Variants in SMAD1 observed in about 807,000 individuals in gnomAD.
SMAD1 encodes the protein SMAD family member 1, also known as MAD, mothers against decapentaplegic homolog 1.
A neutral mutation model predicts 41.6 loss-of-function variants in SMAD1; 6 were observed. The ratio of observed to expected loss-of-function variants is 0.14; its 90% CI spans 0.08 to 0.28. The LOEUF (loss-of-function observed/expected upper bound fraction) is 0.28, where lower values mean the gene tolerates loss of function less well. Among genes scored for constraint, SMAD1 ranks in the 10% least tolerant of loss-of-function variants. The pLI, the probability that SMAD1 is intolerant of heterozygous loss-of-function variation, is 1.00. For synonymous variants in SMAD1, 206 were observed against 203.2 expected, an observed-to-expected ratio of 1.01 and a Z score of -0.12; for missense variants, 379 against 582.6, an observed-to-expected ratio of 0.65 and a Z score of 3.60.
intron 2 of SMAD1, among the ~76,000 whole-genome samples, chr4:145,528,433 G>A (rs1731153116): frequency 6.6e-6 from 1 of 152,004 alleles, no homozygotes; most frequent in Non-Finnish European, 1.5e-5. Flanking sequence ...AGAGACGGGG[G>A]GTTTCACTAT....
intron 1 of SMAD1, among the ~76,000 whole-genome samples, chr4:145,493,756 C>T (rs947138721): frequency 6.6e-6 from 1 of 152,128 alleles, no homozygotes; most frequent in Admixed American, 6.5e-5. Context: ...TTCATGCATT[C>T]CTGCTGTGCA....
At chr4:145,522,678 T>C (rs1730813248) in intron 2 of SMAD1, among the ~76,000 whole-genome samples, 1 of 150,360 alleles carries the variant, frequency 6.7e-6, no homozygotes, top group South Asian at 2.1e-4. Context: ...TTTGTTTTGT[T>C]TTTTTGTTTT....
chr4:145,521,334 T>G (rs1256265827), intron 2 of SMAD1, among the ~76,000 whole-genome samples: 9 of 152,220 alleles, frequency 5.9e-5, no homozygotes, highest in Admixed American at 1.3e-4. Context: ...CCATTTTTTT[T>G]TTAATGTTTT....
At chr4:145,513,878 T>C (rs1187573634) in intron 1 of SMAD1, among the ~76,000 whole-genome samples, 1 of 152,266 alleles carries the variant, frequency 6.6e-6, no homozygotes, top group Non-Finnish European at 1.5e-5. Context: ...TTTAAACTGC[T>C]TCTCAGTTTA....
At chr4:145,532,741 T>A (rs1196671342) in intron 2 of SMAD1, among the ~76,000 whole-genome samples, 2 of 152,188 alleles carry the variant, frequency 1.3e-5, no homozygotes, top group African/African-American at 4.8e-5. Context: ...CGTTCCCATA[T>A]TTGTTTTCCA....
At chr4:145,536,532 T>C (rs963616235) in intron 2 of SMAD1, among the ~76,000 whole-genome samples, 2 of 152,224 alleles carry the variant, frequency 1.3e-5, no homozygotes, top group South Asian at 2.1e-4. Context: ...TTATAGCTCA[T>C]TGATTAAGAA....
At chr4:145,551,738 T>C (rs190581413) in intron 5 of SMAD1, among the ~76,000 whole-genome samples, 5 of 152,326 alleles carry the variant, frequency 3.3e-5, no homozygotes, top group Non-Finnish European at 5.9e-5. Context: ...TTGTTTTTGC[T>C]CTACACTCAA....
intron 1 of SMAD1, among the ~76,000 whole-genome samples, chr4:145,494,248 C>T (rs555505890): frequency 7.9e-5 from 12 of 152,346 alleles, no homozygotes; most frequent in African/African-American, 2.9e-4. Flanking sequence ...GCGTGAGCCA[C>T]CGCGCCCGGC....
At chr4:145,484,402 A>C (rs536222654) in intron 1 of SMAD1, 2 of 152,224 alleles carry the variant, frequency 1.3e-5, no homozygotes, top group African/African-American at 4.8e-5. Flanking sequence ...GTGCAAAATG[A>C]TACATCAGGA....
At chr4:145,527,502 C>T (rs1038540479) in intron 2 of SMAD1, among the ~76,000 whole-genome samples, 5 of 152,112 alleles carry the variant, frequency 3.3e-5, no homozygotes, top group Admixed American at 6.6e-5. Context: ...GGATTACAGG[C>T]GTGAGCCACC....
At chr4:145,488,359 A>G (rs2126933221) in intron 1 of SMAD1, among the ~76,000 whole-genome samples, 1 of 152,056 alleles carries the variant, frequency 6.6e-6, no homozygotes, top group East Asian at 1.9e-4. Flanking sequence ...TTAATGCTTT[A>G]TTTGTAGTTT....
upstream of SMAD1, chr4:145,481,424 G>A (rs1452853747): frequency 2.6e-5 from 4 of 152,132 alleles, no homozygotes; most frequent in African/African-American, 9.7e-5. Context: ...TGCACTCCAC[G>A]TTTATAGAAC....
intron 2 of SMAD1, among the ~76,000 whole-genome samples, chr4:145,515,488 A>T (rs922143046): frequency 6.6e-6 from 1 of 152,160 alleles, no homozygotes; most frequent in African/African-American, 2.4e-5. Context: ...GACTTAAACC[A>T]TTCTGAACTT....
intron 5 of SMAD1, among the ~76,000 whole-genome samples, chr4:145,547,863 GTA>G (rs1339546653): frequency 1.3e-5 from 2 of 151,882 alleles, no homozygotes; most frequent in Non-Finnish European, 2.9e-5. Flanking sequence ...GCATGGGTAT[GTA>G]TATGCGTTTT....
At chr4:145,555,705 CAA>C (rs1354640167) in intron 6 of SMAD1, among the ~76,000 whole-genome samples, 2 of 151,248 alleles carry the variant, frequency 1.3e-5, no homozygotes, top group Non-Finnish European at 3.0e-5. Flanking sequence ...ATTTATAATG[CAA>C]AGTTATGCAT....
intron 6 of SMAD1, among the ~76,000 whole-genome samples, chr4:145,554,856 T>C (rs1732752736): frequency 6.6e-6 from 1 of 152,210 alleles, no homozygotes; most frequent in Admixed American, 6.5e-5. Context: ...GAACTAATTA[T>C]ATGTTTGAGT....
chr4:145,483,423 C>T (rs1560716696), intron 1 of SMAD1, among the ~76,000 whole-genome samples: 1 of 152,160 alleles, frequency 6.6e-6, no homozygotes, highest in Non-Finnish European at 1.5e-5. Context: ...GTTCCCTGCC[C>T]ATGTTGATTT....
At chr4:145,550,324 G>A (rs1478447323) in intron 5 of SMAD1, among the ~76,000 whole-genome samples, 1 of 152,068 alleles carries the variant, frequency 6.6e-6, no homozygotes, top group Non-Finnish European at 1.5e-5. Context: ...ACCAGCCTGG[G>A]CAACATGGTG....
At chr4:145,486,739 T>C (rs1192339626) in intron 1 of SMAD1, among the ~76,000 whole-genome samples, 9 of 152,204 alleles carry the variant, frequency 5.9e-5, no homozygotes, top group Admixed American at 5.9e-4. Flanking sequence ...AAAAGTTGCT[T>C]TAAAGATTTT....
Sources: gnomAD v4.1 joint callset for allele counts (sites outside exome capture counted in the v4.1 genomes callset) on GRCh38, gnomAD v4.1.1 for gene constraint, MANE v1.5 for transcripts, NCBI Gene and HGNC (gene_info 2026-07-23, HGNC 2026-07-21) for gene names.